TRMT1L: variants seen among roughly 807,000 people sequenced by gnomAD.
TRMT1L encodes tRNA methyltransferase 1L.
In TRMT1L, 28 loss-of-function variants were observed where a neutral mutation model predicts 81.6. That is an observed-to-expected ratio of 0.34 (90% CI 0.25 to 0.47). The LOEUF is 0.47. Among genes scored for constraint, TRMT1L ranks in the 20% least tolerant of loss-of-function variants. The pLI is 1.00. For missense variants in TRMT1L, 739 were observed against 877.1 expected, an observed-to-expected ratio of 0.84 and a Z score of 1.99; for synonymous variants, 301 against 303.2, an observed-to-expected ratio of 0.99 and a Z score of 0.07.
Position 185,143,937 on chromosome 1 carries a change from A to T in TRMT1L, c.748T>A (p.Ser250Thr). 6.2e-7 allele frequency: 1 copy of T among 1,608,560 alleles called. No homozygotes were observed. Among genetic ancestry groups the T allele is most frequent in the Non-Finnish European group, 8.5e-7 (1 of 1,176,572 alleles). Residue 250 changes from serine to threonine, a missense_variant, in exon 6 of 15, where the codon TCC becomes ACC. By Grantham distance (58) the Ser-to-Thr change is moderately conservative (BLOSUM62 1). Transcript: ENST00000367506. ...PNYSIPQKTD[S>T]YFNPKMKLNR... ...AGTTTCATTTTGGGGTTAAAATAGG[A>T]ATCTGTTTTCTGAGGTATAGAATAG...
chr1:185,156,636 G>C lies in TRMT1L; in HGVS notation c.77C>G (p.Thr26Ser). The C allele has an allele frequency of 1.9e-6, 3 of 1,607,320 alleles. No homozygotes were observed. Among genetic ancestry groups the C allele is most frequent in the Non-Finnish European group, 2.5e-6 (3 of 1,177,100 alleles). The change falls in exon 1 of 15, where the codon ACC (threonine) becomes AGC (serine). Residue 26 changes from threonine (T) to serine (S), a missense_variant. This residue lies in a region of TRMT1L where 209 missense variants were observed against 165.4 expected (regional missense o/e 1.26). Transcript: ENST00000367506. ...GACCCCAGCCGAGTCCCGGGCCGGG[G>C]TCGGGACCTGGACCTGGGCCACCTC... The part of the protein sequence containing the change: ...EVEVAQVQVP[T>S]PARDSAGVPA...
intron 2 of TRMT1L, among the ~76,000 whole-genome samples, chr1:185,150,878 AAAAGT>A (rs1653326586): frequency 6.6e-6 from 1 of 152,240 alleles, no homozygotes; most frequent in African/African-American, 2.4e-5. Context: ...GACAAAGAGC[AAAAGT>A]ATGTGCTGTG....
In TRMT1L at chr1:185,143,955, T is replaced by C. The variant is rs1653117845; in HGVS notation, c.730A>G (p.Ile244Val). The C allele has an allele frequency of 3.1e-6, 5 of 1,610,746 alleles. No individual in the cohort carries two copies. Among genetic ancestry groups the C allele is most frequent in the South Asian group, 2.2e-5 (2 of 90,784 alleles). ...TDVQVCPNYS[I>V]PQKTDSYFNP... ...AAATAGGAATCTGTTTTCTGAGGTA[T>C]AGAATAGTTGGGACAAACTTGTACA... Residue 244 changes from isoleucine to valine, a missense_variant, in exon 6 of 15, where the codon ATA becomes GTA. Coordinates refer to ENST00000367506, the MANE Select transcript of TRMT1L (RefSeq NM_030934.5).
intron 1 of TRMT1L, 80 bp from the exon 2 acceptor site, chr1:185,152,015 T>G (rs1378277733): frequency 1.2e-6 from 1 of 823,914 alleles, no homozygotes. Context: ...CGTATAGAAG[T>G]TTATTTCCTA....
At chr1:185,136,648 A>G (rs1652906923) in intron 10 of TRMT1L, among the ~76,000 whole-genome samples, 1 of 152,220 alleles carries the variant, frequency 6.6e-6, no homozygotes, top group Non-Finnish European at 1.5e-5. Flanking sequence ...TTAACAAAAG[A>G]GCAATACAGG....
intron 6 of TRMT1L, 89 bp from the exon 7 acceptor site, chr1:185,143,525 T>G: frequency 8.6e-7 from 1 of 1,159,704 alleles, no homozygotes; most frequent in Non-Finnish European, 1.2e-6. Context: ...CTGAAGTTCC[T>G]AGTTACTGTA....
chr1:185,127,459 T>A (rs775886902), intron 11 of TRMT1L, among the ~76,000 whole-genome samples: 73 of 152,096 alleles, frequency 4.8e-4, no homozygotes, highest in Non-Finnish European at 7.1e-4. Flanking sequence ...GAATCTTGAA[T>A]TTCTGTAAGA....
At chr1:185,127,797 C>T (rs1243330891) in intron 11 of TRMT1L, among the ~76,000 whole-genome samples, 1 of 127,824 alleles carries the variant, frequency 7.8e-6, no homozygotes, top group Non-Finnish European at 1.7e-5. Flanking sequence ...TCTCTAGTAA[C>T]AAACTTAAGG....
intron 7 of TRMT1L, among the ~76,000 whole-genome samples, chr1:185,141,147 C>T (rs528947351): frequency 6.6e-6 from 1 of 152,050 alleles, no homozygotes; most frequent in African/African-American, 2.4e-5. Context: ...GATTAGTAAA[C>T]CCCTTATGTA....
chr1:185,120,537 T>A (rs773527695), intron 13 of TRMT1L, 28 bp from the exon 14 acceptor site: 4 of 1,524,090 alleles, frequency 2.6e-6, no homozygotes, highest in East Asian at 4.7e-5. Flanking sequence ...AAAGTTAGCA[T>A]GCTCTTAAAA....
intron 10 of TRMT1L, among the ~76,000 whole-genome samples, chr1:185,137,092 A>G (rs1206293435): frequency 6.6e-6 from 1 of 152,210 alleles, no homozygotes; most frequent in African/African-American, 2.4e-5. Flanking sequence ...ACAGAAAACA[A>G]TAAGCAACTG....
intron 13 of TRMT1L, among the ~76,000 whole-genome samples, chr1:185,121,066 A>G (rs1652489176): frequency 1.3e-5 from 2 of 152,220 alleles, no homozygotes; most frequent in Admixed American, 6.5e-5. Flanking sequence ...GGTCAATGTT[A>G]TGATCTCATT....
In TRMT1L at chr1:185,146,546, T is replaced by A. The variant is rs1234878435; in HGVS notation, c.525+636A>T. 3.3e-5 allele frequency among the ~76,000 whole-genome samples: 5 copies of A among 152,172 alleles called. No homozygotes were observed. The East Asian group carries it at 9.6e-4, about 29-fold the overall frequency. ...CTGATGGACCAGGTACTGTTTTGACTACTACTTACAGAATATTTTCTTTTT... is the reference window on the plus strand; with the variant it reads ...CTGATGGACCAGGTACTGTTTTGACAACTACTTACAGAATATTTTCTTTTT... On this transcript the variant is annotated intron_variant, in intron 4 of 14. Coordinates refer to ENST00000367506, the MANE Select transcript of TRMT1L (RefSeq NM_030934.5).
chr1:185,128,927 T>C (rs1380372280), intron 10 of TRMT1L, among the ~76,000 whole-genome samples, 180 bp from the exon 11 acceptor site: 2 of 152,116 alleles, frequency 1.3e-5, no homozygotes, highest in Non-Finnish European at 2.9e-5. Context: ...CGTATATATG[T>C]ATACACACAT....
chr1:185,132,320 C>T (rs1652791328), intron 10 of TRMT1L, among the ~76,000 whole-genome samples: 1 of 151,920 alleles, frequency 6.6e-6, no homozygotes, highest in East Asian at 1.9e-4. Context: ...GAGTTCCAGA[C>T]CAGCCTGGCC....
At chr1:185,123,762 T>C (rs1056892741) in intron 13 of TRMT1L, 95 bp downstream of exon 13, 110 of 719,368 alleles carry the variant, frequency 1.5e-4, no homozygotes, top group Non-Finnish European at 1.7e-4. Context: ...TATTTTTAAG[T>C]AGGCTACCAT....
intron 4 of TRMT1L, among the ~76,000 whole-genome samples, chr1:185,146,335 A>G (rs960802238): frequency 6.6e-6 from 1 of 151,994 alleles, no homozygotes; most frequent in African/African-American, 2.4e-5. Flanking sequence ...TCACTTCATA[A>G]TTTCTCATTT....
chr1:185,131,003 ATTTTT>A (rs1272321478), intron 10 of TRMT1L, among the ~76,000 whole-genome samples: 1 of 151,740 alleles, frequency 6.6e-6, no homozygotes, highest in African/African-American at 2.4e-5. Context: ...GTTTATTTTT[ATTTTT>A]ATTTTTTTTT....
chr1:185,155,812 T>C (rs554144584), intron 1 of TRMT1L, among the ~76,000 whole-genome samples: 1 of 152,282 alleles, frequency 6.6e-6, no homozygotes, highest in East Asian at 1.9e-4. Context: ...AGCACAATAA[T>C]ATGGGCCATT....
Sources: allele counts gnomAD v4.1 joint callset (sites outside exome capture counted in the v4.1 genomes callset), GRCh38; gene constraint gnomAD v4.1.1; regional missense constraint gnomAD v4.1.1; transcripts MANE v1.5; gene names NCBI Gene and HGNC (gene_info 2026-07-23, HGNC 2026-07-21).